Variants in PDS5B observed in about 807,000 individuals in gnomAD.
PDS5B encodes PDS5 cohesin associated factor B, also known as sister chromatid cohesion protein PDS5 homolog B.
In PDS5B, 51 loss-of-function variants were observed where a neutral mutation model predicts 184.1. The ratio of observed to expected loss-of-function variants is 0.28; its 90% CI spans 0.22 to 0.35. The LOEUF (loss-of-function observed/expected upper bound fraction) is 0.35. Among genes scored for constraint, PDS5B ranks in the 10% least tolerant of loss-of-function variants. The pLI, the probability that PDS5B is intolerant of heterozygous loss-of-function variation, is 1.00. For synonymous variants in PDS5B, 566 were observed against 569.2 expected, an observed-to-expected ratio of 0.99 and a Z score of 0.08; for missense variants, 1,180 against 1,723.3, an observed-to-expected ratio of 0.68 and a Z score of 5.58.
At chr13:32,729,957 C>T (rs1953050160) in intron 19 of PDS5B, among the ~76,000 whole-genome samples, 1 of 152,164 alleles carries the variant, frequency 6.6e-6, no homozygotes, top group African/African-American at 2.4e-5. Context: ...AATTAGATCC[C>T]ATTTGTCAAT....
In PDS5B at chr13:32,764,620, A is replaced by G. The variant is rs769335989; in HGVS notation, c.3624+26A>G. The stretch of plus-strand genomic sequence containing the variant: ...GTGAGATATTTGCATTGATTTTATA[A>G]TAATATTAATGATAATTTTACTTAG... On this transcript the variant is annotated intron_variant, in intron 31 of 34. Transcript: ENST00000315596. 7 of 1,247,218 alleles carry G rather than the reference A, an allele frequency of 5.6e-6. No homozygotes were observed. In the East Asian group the frequency reaches 1.5e-4, roughly 27 times the overall value. 77.3% of individuals were successfully genotyped at this position (1,247,218 alleles called of 1,614,324 possible).
At chr13:32,728,194 C>T (rs780072577) in intron 19 of PDS5B, among the ~76,000 whole-genome samples, 1 of 151,694 alleles carries the variant, frequency 6.6e-6, no homozygotes, top group Non-Finnish European at 1.5e-5. Context: ...TCTAGCACTG[C>T]ATTCCTGATT....
At chr13:32,602,934 T>A (rs958190934) in intron 1 of PDS5B, among the ~76,000 whole-genome samples, 4 of 152,232 alleles carry the variant, frequency 2.6e-5, no homozygotes, top group Middle Eastern at 3.2e-3. Context: ...TACTTTTTGA[T>A]GGGGTTGTTT....
intron 1 of PDS5B, among the ~76,000 whole-genome samples, chr13:32,619,175 TG>T (rs5802649): frequency 1 from 152,303 of 152,304 alleles, 76,151 homozygotes; most frequent in Non-Finnish European, 1. Flanking sequence ...GGTACCCTGT[TG>T]GGGGGAGAGT....
chr13:32,599,073 G>GT (rs1239247311), intron 1 of PDS5B, among the ~76,000 whole-genome samples: 2 of 151,552 alleles, frequency 1.3e-5, no homozygotes, highest in South Asian at 2.1e-4. Flanking sequence ...CCCAGCCTCA[G>GT]TTTTTTTCCT....
intron 33 of PDS5B, among the ~76,000 whole-genome samples, 159 bp from the exon 34 acceptor site, chr13:32,773,030 C>T (rs777841972): frequency 3.3e-5 from 5 of 152,060 alleles, no homozygotes; most frequent in Admixed American, 6.6e-5. Flanking sequence ...TGATTAAATG[C>T]TGGTTTAGGA....
chr13:32,764,504 A>C lies in PDS5B; in HGVS notation c.3534A>C (p.Glu1178Asp). 6.3e-7 allele frequency: 1 copy of C among 1,596,192 alleles called. No individual in the cohort carries two copies. The highest frequency in any genetic ancestry group is 8.5e-7 in the Non-Finnish European group (1 of 1,170,456). ...GTATTAAAAGGCTTGATAGTTCTGA[A>C]ATGGATCACAGTGAAAATGAAGATT... is the stretch of plus-strand genomic sequence containing the variant. ...GRIKGRLDSS[E>D]MDHSENEDYT... Residue 1178 changes from glutamate (E) to aspartate (D), a missense_variant, in exon 31 of 35, where the codon GAA (glutamate) becomes GAC (aspartate). Physicochemically the swap from Glu to Asp is conservative, Grantham distance 45. Transcript: ENST00000315596.
intron 12 of PDS5B, 67 bp from the exon 13 acceptor site, chr13:32,688,389 G>C: frequency 2.6e-6 from 2 of 765,004 alleles, no homozygotes; most frequent in Non-Finnish European, 4.3e-6. Context: ...CATAGTTTTA[G>C]AATTTTATAT....
chr13:32,772,355 G>A (rs963982198), intron 33 of PDS5B, among the ~76,000 whole-genome samples: 2 of 152,278 alleles, frequency 1.3e-5, no homozygotes, highest in African/African-American at 2.4e-5. Flanking sequence ...CAAAACAGAC[G>A]TGGTACTTGT....
intron 19 of PDS5B, among the ~76,000 whole-genome samples, chr13:32,716,276 C>A (rs1167363850): frequency 1.3e-5 from 2 of 152,172 alleles, no homozygotes; most frequent in South Asian, 4.2e-4. Context: ...GCCTGGCCTC[C>A]CATCCTCTGA....
At chr13:32,767,335 T>C (rs187648635) in intron 31 of PDS5B, among the ~76,000 whole-genome samples, 1 of 152,320 alleles carries the variant, frequency 6.6e-6, no homozygotes, top group African/African-American at 2.4e-5. Context: ...TGAAGCATTC[T>C]TTTTAAAAAT....
intron 1 of PDS5B, among the ~76,000 whole-genome samples, chr13:32,612,001 A>G (rs551347760): frequency 2.1e-4 from 32 of 152,008 alleles, no homozygotes; most frequent in South Asian, 6.2e-4. Context: ...TTAATTTCAT[A>G]TGAAATCTGC....
At chr13:32,618,187 T>G (rs1172017284) in intron 1 of PDS5B, among the ~76,000 whole-genome samples, 5 of 152,200 alleles carry the variant, frequency 3.3e-5, no homozygotes, top group African/African-American at 7.2e-5. Flanking sequence ...TAACATTGGT[T>G]GTTAAGTTTC....
chr13:32,682,532 A>T (rs1416831968), intron 10 of PDS5B, among the ~76,000 whole-genome samples: 1 of 151,904 alleles, frequency 6.6e-6, no homozygotes, highest in African/African-American at 2.4e-5. Context: ...ACTTCTTTTG[A>T]TGGTTATCTG....
intron 7 of PDS5B, among the ~76,000 whole-genome samples, chr13:32,672,767 T>C (rs1320446705): frequency 6.6e-6 from 1 of 152,222 alleles, no homozygotes; most frequent in Non-Finnish European, 1.5e-5. Flanking sequence ...GGATGATGCC[T>C]GCCCATACTG....
chr13:32,749,081 A>G (rs370403568), intron 24 of PDS5B, among the ~76,000 whole-genome samples: 1 of 152,186 alleles, frequency 6.6e-6, no homozygotes, highest in Non-Finnish European at 1.5e-5. Context: ...GTATTTTACA[A>G]CCTGGTGTTT....
intron 1 of PDS5B, among the ~76,000 whole-genome samples, chr13:32,614,736 TTGAG>T (rs1381432869): frequency 1.8e-4 from 28 of 152,354 alleles, no homozygotes; most frequent in African/African-American, 6.7e-4. Flanking sequence ...TTCAAAATGG[TTGAG>T]TGAGCTGTCT....
intron 23 of PDS5B, among the ~76,000 whole-genome samples, chr13:32,745,767 C>T (rs923854657): frequency 6.6e-6 from 1 of 152,124 alleles, no homozygotes; most frequent in Non-Finnish European, 1.5e-5. Context: ...CCCACAATGA[C>T]CTAATCACCT....
At chr13:32,679,029 G>T in intron 10 of PDS5B, 100 bp downstream of exon 10, 2 of 595,360 alleles carry the variant, frequency 3.4e-6, no homozygotes, top group Admixed American at 2.8e-5. Flanking sequence ...GGGGGTGGTA[G>T]GTGAAGTCTT....
Sources: allele counts gnomAD v4.1 joint callset (sites outside exome capture counted in the v4.1 genomes callset), GRCh38; gene constraint gnomAD v4.1.1; transcripts MANE v1.5; gene names NCBI Gene and HGNC (gene_info 2026-07-23, HGNC 2026-07-21).